The following CEP112 variants were observed in gnomAD, a reference collection of about 807,000 sequenced individuals.
The protein encoded by CEP112 is centrosomal protein 112, also known as centrosomal protein of 112 kDa.
A neutral mutation model predicts 153.0 loss-of-function variants in CEP112; 127 were observed. That is an observed-to-expected ratio of 0.83 (90% CI 0.72 to 0.96). The LOEUF (loss-of-function observed/expected upper bound fraction) is 0.96, where lower values mean the gene tolerates loss of function less well. Among genes scored for constraint, CEP112 ranks in the 40% least tolerant of loss-of-function variants. The probability of loss-of-function intolerance (pLI) is 0.00; values close to 1 mark genes in which losing one functional copy is unlikely to be tolerated. For missense variants in CEP112, 1,089 were observed against 1,101.2 expected (o/e 0.99, Z 0.16); for synonymous variants, 358 against 374.4 (o/e 0.96, Z 0.51).
At chr17:65,797,946 T>C (rs2055036966) in intron 21 of CEP112, among the ~76,000 whole-genome samples, 1 of 152,180 alleles carries the variant, frequency 6.6e-6, no homozygotes, top group Non-Finnish European at 1.5e-5. Flanking sequence ...TGCACACGCA[T>C]GCGAGGGTCT....
intron 21 of CEP112, among the ~76,000 whole-genome samples, chr17:65,761,864 G>A (rs918573943): frequency 6.6e-6 from 1 of 152,052 alleles, no homozygotes; most frequent in Non-Finnish European, 1.5e-5. Context: ...TGTGTATGCC[G>A]CTGCTGTTGG....
At chr17:66,101,957 T>C (rs946164642) in intron 6 of CEP112, among the ~76,000 whole-genome samples, 2 of 152,144 alleles carry the variant, frequency 1.3e-5, no homozygotes, top group Admixed American at 6.5e-5. Flanking sequence ...AAAGAAGAGA[T>C]GGCTATTTTT....
intron 16 of CEP112, among the ~76,000 whole-genome samples, chr17:66,007,669 T>C (rs1317824829): frequency 6.6e-6 from 1 of 152,032 alleles, no homozygotes; most frequent in Admixed American, 6.6e-5. Context: ...AAATCTTAAG[T>C]GAAAAATCAC....
At chr17:65,974,055 T>C (rs2062943836) in intron 17 of CEP112, among the ~76,000 whole-genome samples, 1 of 151,792 alleles carries the variant, frequency 6.6e-6, no homozygotes, top group Non-Finnish European at 1.5e-5. Flanking sequence ...TACTTGGGAG[T>C]CTAAAAGGCT....
chr17:65,854,495 G>A (rs2058064361), intron 20 of CEP112, among the ~76,000 whole-genome samples: 1 of 152,142 alleles, frequency 6.6e-6, no homozygotes, highest in Admixed American at 6.5e-5. Flanking sequence ...ATCTAGAACA[G>A]TAACATTTGT....
chr17:66,037,731 C>T (rs1340653016), intron 12 of CEP112, among the ~76,000 whole-genome samples: 1 of 152,084 alleles, frequency 6.6e-6, no homozygotes, highest in Non-Finnish European at 1.5e-5. Flanking sequence ...GGCCCCAGAA[C>T]CAGTCCCTTC....
intron 4 of CEP112, among the ~76,000 whole-genome samples, chr17:66,146,763 A>G (rs1391617712): frequency 6.6e-6 from 1 of 152,114 alleles, no homozygotes; most frequent in Non-Finnish European, 1.5e-5. Flanking sequence ...GTTAAACGGT[A>G]TCTGTCTTTT....
intron 20 of CEP112, among the ~76,000 whole-genome samples, chr17:65,871,426 G>T (rs1316939851): frequency 6.6e-6 from 1 of 152,160 alleles, no homozygotes; most frequent in African/African-American, 2.4e-5. Flanking sequence ...ACGAGGTCAG[G>T]AGATCAAGAC....
intron 20 of CEP112, among the ~76,000 whole-genome samples, chr17:65,853,110 G>C (rs1362786635): frequency 6.6e-6 from 1 of 152,156 alleles, no homozygotes; most frequent in Non-Finnish European, 1.5e-5. Context: ...AAACTAGATG[G>C]CTTAAAAGAA....
At chr17:65,901,730 G>A (rs977992198) in intron 20 of CEP112, among the ~76,000 whole-genome samples, 1 of 151,900 alleles carries the variant, frequency 6.6e-6, no homozygotes, top group Non-Finnish European at 1.5e-5. Context: ...ACACTAGGAA[G>A]GAAAAGCAAA....
At chr17:66,017,163 AGTCT>A (rs1361757892) in intron 16 of CEP112, among the ~76,000 whole-genome samples, 1 of 152,228 alleles carries the variant, frequency 6.6e-6, no homozygotes, top group Non-Finnish European at 1.5e-5. Flanking sequence ...TAATTCCCTT[AGTCT>A]GTCTACCTTT....
intron 21 of CEP112, among the ~76,000 whole-genome samples, chr17:65,809,604 C>T (rs185266711): frequency 9.9e-5 from 15 of 152,218 alleles, no homozygotes; most frequent in African/African-American, 3.4e-4. Context: ...AGAAATGTGT[C>T]AAGTATGACT....
intron 17 of CEP112, among the ~76,000 whole-genome samples, chr17:65,981,384 C>T (rs933932345): frequency 6.6e-6 from 1 of 152,106 alleles, no homozygotes; most frequent in Non-Finnish European, 1.5e-5. Flanking sequence ...TATTCGATAG[C>T]TAATAGCCAA....
intron 16 of CEP112, among the ~76,000 whole-genome samples, chr17:66,021,158 C>T (rs528534572): frequency 3.3e-5 from 5 of 152,178 alleles, no homozygotes; most frequent in Admixed American, 3.3e-4. Flanking sequence ...CCAGGAAGTA[C>T]CCCAGGCATT....
chr17:66,059,151 T>C (rs1193775408), intron 11 of CEP112, among the ~76,000 whole-genome samples: 1 of 151,768 alleles, frequency 6.6e-6, no homozygotes, highest in Non-Finnish European at 1.5e-5. Context: ...AAAAATTAAC[T>C]CAGGATAGAT....
chr17:65,776,360 G>C (rs1378150126), intron 21 of CEP112, among the ~76,000 whole-genome samples: 1 of 152,066 alleles, frequency 6.6e-6, no homozygotes, highest in Non-Finnish European at 1.5e-5. Context: ...TCAGCCTCCC[G>C]AGTATCTGGG....
chr17:65,852,232 C>CCCTT (rs1247610361), intron 20 of CEP112, among the ~76,000 whole-genome samples, 198 bp from the exon 21 acceptor site: 1 of 15,918 alleles, frequency 6.3e-5, no homozygotes, highest in East Asian at 3.5e-3. Flanking sequence ...CTTTCCCTCT[C>CCCTT]CCTTCCTTCC....
intron 6 of CEP112, among the ~76,000 whole-genome samples, chr17:66,112,090 A>G (rs938997967): frequency 1.3e-5 from 2 of 152,130 alleles, no homozygotes; most frequent in Non-Finnish European, 2.9e-5. Context: ...CAGGAGCTTG[A>G]GACCAGCCTG....
chr17:66,053,159 A>G (rs2066514806), intron 12 of CEP112, among the ~76,000 whole-genome samples: 1 of 151,856 alleles, frequency 6.6e-6, no homozygotes, highest in African/African-American at 2.4e-5. Context: ...AGTCAATGGA[A>G]AAAAAAACAA....
Sources: allele counts gnomAD v4.1 joint callset (sites outside exome capture counted in the v4.1 genomes callset), GRCh38; gene constraint gnomAD v4.1.1; transcripts MANE v1.5; gene names NCBI Gene and HGNC (gene_info 2026-07-23, HGNC 2026-07-21).